HSPG2: variants seen among roughly 807,000 people sequenced by gnomAD.
The protein encoded by HSPG2 is basement membrane-specific heparan sulfate proteoglycan core protein.
A neutral mutation model predicts 526.6 loss-of-function variants in HSPG2; 278 were observed. That is an observed-to-expected ratio of 0.53 (90% CI 0.48 to 0.58). The LOEUF is 0.58. Among genes scored for constraint, HSPG2 ranks in the 20% least tolerant of loss-of-function variants. The pLI, the probability that HSPG2 is intolerant of heterozygous loss-of-function variation, is 0.00. For missense variants in HSPG2, 5,354 were observed against 6,099.5 expected (o/e 0.88, Z 4.07); for synonymous variants, 2,465 against 2,555.4 (o/e 0.96, Z 1.07).
In HSPG2 at chr1:21,852,809, C is replaced by T. The variant is rs561451720; in HGVS notation, c.6615G>A (p.Leu2205=). The change falls in exon 52 of 97, where the codon CTG becomes CTA. Residue 2205 remains leucine (L), a synonymous_variant. Transcript: ENST00000374695. ...CTGAGTCGGCCGGGGTCACCTGGTG[C>T]AGCCGCAGCAGCGAGCCGTGGGTCT... ...RHQTHGSLLR[L]HQVTPADSGE... The T allele has an allele frequency of 4.3e-6, 7 of 1,612,550 alleles. No individual in the cohort carries two copies. Among genetic ancestry groups the T allele is most frequent in the South Asian group, 1.1e-5 (1 of 91,056 alleles).
At chr1:21,909,112 A>C (rs1643531548) in intron 1 of HSPG2, among the ~76,000 whole-genome samples, 1 of 152,178 alleles carries the variant, frequency 6.6e-6, no homozygotes, top group South Asian at 2.1e-4. Flanking sequence ...CATCTCAAAA[A>C]ACAAAAACAG....
rs560375878 is a variant in HSPG2 at position 21,928,479 on chromosome 1, C to T, written c.63+8676G>A. On this transcript the variant is annotated intron_variant, in intron 1 of 96. Transcript: ENST00000374695. ...GTTTTGAGACAGAGTCTCGCAATGA[C>T]GCCCAGGCTTGAGTGCAATGGCATG... Among the ~76,000 whole-genome samples the T allele has an allele frequency of 1.7e-3, 262 of 152,342 alleles. 1 individual carries two copies. Among genetic ancestry groups the T allele is most frequent in the Non-Finnish European group, 3.3e-3 (224 of 68,034 alleles).
chr1:21,863,026 C>A (rs1212507803), intron 37 of HSPG2, among the ~76,000 whole-genome samples: 1 of 128,876 alleles, frequency 7.8e-6, no homozygotes, highest in Admixed American at 8.7e-5. Context: ...TGCCATTGCA[C>A]TCCAGCCTGG....
chr1:21,857,786 T>G (rs1329413398), intron 42 of HSPG2, among the ~76,000 whole-genome samples: 1 of 152,168 alleles, frequency 6.6e-6, no homozygotes, highest in Non-Finnish European at 1.5e-5. Flanking sequence ...CTTTCTTAGC[T>G]AGTGGCGCTG....
rs140999091 is a variant in HSPG2 at position 21,827,584 on chromosome 1, C to G, written c.12589+279G>C. On this transcript the variant is annotated intron_variant, in intron 91 of 96. Transcript: ENST00000374695. ...CTTTATGCATCTTATATTTACTGCT[C>G]TCAGGGCAAGGATGGGCAACAATAG... Among the ~76,000 whole-genome samples, 649 of 152,298 alleles carry G rather than the reference C, an allele frequency of 4.3e-3. 3 individuals carry two copies. The highest frequency in any genetic ancestry group is 7.4e-3 in the Non-Finnish European group (505 of 68,032).
chr1:21,918,468 A>T (rs927981623), intron 1 of HSPG2, among the ~76,000 whole-genome samples: 1 of 128,484 alleles, frequency 7.8e-6, no homozygotes, highest in Non-Finnish European at 1.7e-5. Flanking sequence ...CTGTGGGAAT[A>T]AAAAAAAAAA....
At chr1:21,849,076 G>T (rs370022513) in intron 57 of HSPG2, 45 bp from the exon 58 acceptor site, 10 of 1,602,942 alleles carry the variant, frequency 6.2e-6, no homozygotes, top group African/African-American at 4.0e-5. Flanking sequence ...GCTGGGCACT[G>T]CGGCTCACGC....
intron 1 of HSPG2, among the ~76,000 whole-genome samples, chr1:21,917,781 A>G (rs1172394864): frequency 6.6e-6 from 1 of 152,072 alleles, no homozygotes; most frequent in African/African-American, 2.4e-5. Flanking sequence ...CCTCCACTCT[A>G]AAGACTTTTT....
intron 64 of HSPG2, 130 bp downstream of exon 64, chr1:21,845,978 G>A (rs1308762407): frequency 1.7e-6 from 2 of 1,161,138 alleles, no homozygotes; most frequent in Admixed American, 1.8e-5. Flanking sequence ...GTGGCGGGAG[G>A]TGAAGTCTGG....
In HSPG2 at chr1:21,855,364, A is replaced by T; in HGVS notation, c.5937T>A (p.Ala1979=). ...TGATGGTGGCGCTAGGCACGCCTGCAGCCCTGCAGTACAGCCTGACGGTGC... is the reference window on the plus strand; with the variant it reads ...TGATGGTGGCGCTAGGCACGCCTGCTGCCCTGCAGTACAGCCTGACGGTGC... ...AGRTVRLYCR[A]AGVPSATITW... is the part of the protein sequence containing the mutation. Residue 1979 remains alanine (A), a synonymous_variant, in exon 47 of 97, where the codon GCT becomes GCA. Coordinates refer to ENST00000374695, the MANE Select transcript of HSPG2 (RefSeq NM_005529.7). 1 of 1,612,018 alleles carries T rather than the reference A, an allele frequency of 6.2e-7. No homozygotes were observed. The highest frequency in any genetic ancestry group is 8.5e-7 in the Non-Finnish European group (1 of 1,179,524).
Position 21,878,645 on chromosome 1 carries a change from GAAGC to G in HSPG2, c.2486_2489del (p.Cys829SerfsTer84). On this transcript the variant is annotated frameshift_variant, in exon 19 of 97. Transcript: ENST00000374695. LOFTEE classifies it high-confidence loss of function. ...ATGTGGCTTGGCCATCCGTGTCCAG[GAAGC>G]AAGTGTCTGAGAATCTGCAGGTATC... 6.2e-7 allele frequency: 1 copy of G among 1,614,166 alleles called. No homozygotes were observed. The highest frequency in any genetic ancestry group is 1.1e-5 in the South Asian group (1 of 91,086).
chr1:21,910,698 G>T (rs1643612670), intron 1 of HSPG2, among the ~76,000 whole-genome samples: 1 of 152,142 alleles, frequency 6.6e-6, no homozygotes, highest in Non-Finnish European at 1.5e-5. Context: ...AATATTTAAA[G>T]AATGTGTCTG....
chr1:21,914,915 GC>G (rs1643848919), intron 1 of HSPG2, among the ~76,000 whole-genome samples: 1 of 152,200 alleles, frequency 6.6e-6, no homozygotes, highest in Non-Finnish European at 1.5e-5. Context: ...GCCTATGCCT[GC>G]CTGGGCCTTG....
chr1:21,878,726 T>G (rs1572337770), intron 18 of HSPG2, 63 bp from the exon 19 acceptor site: 2 of 1,470,310 alleles, frequency 1.4e-6, no homozygotes, highest in Non-Finnish European at 1.9e-6. Flanking sequence ...CCTCCCACCC[T>G]GGGAAATGAC....
rs1344660403 is a variant in HSPG2, at chr1:21,932,057, T to G, written c.63+5098A>C. Among the ~76,000 whole-genome samples, 3 of 152,070 alleles carry G rather than the reference T, an allele frequency of 2.0e-5. No individual in the cohort carries two copies. The East Asian group carries it at 5.8e-4, about 29-fold the overall frequency. ...ATTAATGAATTAACAAACCTAAAAA[T>G]GACCACCCTAGAGTTCCTAGGCTTC... On this transcript the variant is annotated intron_variant, in intron 1 of 96. Coordinates refer to ENST00000374695, the MANE Select transcript of HSPG2 (RefSeq NM_005529.7).
chr1:21,849,279 G>A (rs1416160372), intron 57 of HSPG2, among the ~76,000 whole-genome samples: 2 of 152,244 alleles, frequency 1.3e-5, no homozygotes, highest in African/African-American at 2.4e-5. Context: ...ACCAGTGTTT[G>A]TTGACATGCT....
In HSPG2 at chr1:21,833,551, G is replaced by A. The variant is rs762281715; in HGVS notation, c.10894C>T (p.Arg3632Ter). ...ACGTAGGTACCTGCGTCCTGGGGTC[G>A]GACTGAGGGCAGCATCAGCATGTTG... ...ENNMLMLPSVRPQDAGTYVCT... is the reference protein window; with the variant it reads ...ENNMLMLPSV The change falls in exon 79 of 97, where the codon CGA becomes TGA. Residue 3632 changes from arginine (R) to a stop codon, truncating the protein, a stop_gained. Coordinates refer to ENST00000374695, the MANE Select transcript of HSPG2 (RefSeq NM_005529.7). LOFTEE classifies it high-confidence loss of function. 1.2e-5 allele frequency: 20 copies of A among 1,614,050 alleles called. No homozygotes were observed. Among genetic ancestry groups the A allele is most frequent in the Admixed American group, 1.7e-5 (1 of 60,004 alleles).
chr1:21,923,126 G>A lies in HSPG2; in HGVS notation c.63+14029C>T, dbSNP rs115752273. On this transcript the variant is annotated intron_variant, in intron 1 of 96. Coordinates refer to ENST00000374695, the MANE Select transcript of HSPG2 (RefSeq NM_005529.7). ...TCCTAAATGAAAATAACCAGACTCAGCCGGGCACGGTGGCTCACACCTGTA... is the reference window on the plus strand; with the variant it reads ...TCCTAAATGAAAATAACCAGACTCAACCGGGCACGGTGGCTCACACCTGTA... Among the ~76,000 whole-genome samples the A allele has an allele frequency of 2.9e-3, 442 of 152,296 alleles. 2 individuals are homozygous for A. The highest frequency in any genetic ancestry group is 0.01 in the African/African-American group (430 of 41,570).
In HSPG2 at chr1:21,858,924, C is replaced by T. The variant is rs186536406; in HGVS notation, c.5293+642G>A. 2.3e-4 allele frequency among the ~76,000 whole-genome samples: 35 copies of T among 152,050 alleles called. No individual in the cohort carries two copies. Among genetic ancestry groups the T allele is most frequent in the African/African-American group, 7.2e-4 (30 of 41,460 alleles). ...CACCGGCTCCCTTTAAAAGCTTCCT[C>T]GGTTGTACTAAGCAACAACTGCTCA... On this transcript the variant is annotated intron_variant, in intron 42 of 96. Coordinates refer to ENST00000374695, the MANE Select transcript of HSPG2 (RefSeq NM_005529.7). The surrounding 1 kb of genome is among the most constrained non-coding windows in gnomAD (Gnocchi z 4.2).
Sources: gnomAD v4.1 joint callset for allele counts (sites outside exome capture counted in the v4.1 genomes callset) on GRCh38, gnomAD v4.1.1 for gene constraint, Gnocchi (gnomAD v3.1) non-coding constraint, MANE v1.5 for transcripts, NCBI Gene and HGNC (gene_info 2026-07-23, HGNC 2026-07-21) for gene names.